The following CTNND2 variants were observed in gnomAD, a reference collection of about 807,000 sequenced individuals.
CTNND2 encodes the protein catenin delta-2.
Under a neutral mutation model 144.4 loss-of-function variants are expected in CTNND2, and 22 were observed. The ratio of observed to expected loss-of-function variants is 0.15; its 90% CI spans 0.11 to 0.22. The LOEUF (loss-of-function observed/expected upper bound fraction) is 0.22. Among genes scored for constraint, CTNND2 ranks in the 10% least tolerant of loss-of-function variants. The pLI, the probability that CTNND2 is intolerant of heterozygous loss-of-function variation, is 1.00. For synonymous variants in CTNND2, 751 were observed against 695.6 expected (o/e 1.08, Z -1.25); for missense variants, 1,353 against 1,618.8 (o/e 0.84, Z 2.82).
intron 2 of CTNND2, among the ~76,000 whole-genome samples, chr5:11,566,504 A>G (rs1446347216): frequency 2.0e-4 from 30 of 152,170 alleles, no homozygotes. Context: ...TGCATCTTAA[A>G]TCTCTCTGTG....
At chr5:11,850,543 C>T (rs1025906227) in intron 1 of CTNND2, among the ~76,000 whole-genome samples, 2 of 151,854 alleles carry the variant, frequency 1.3e-5, no homozygotes, top group Admixed American at 6.6e-5. Flanking sequence ...GACATTGTAT[C>T]GGGGAATGAG....
intron 1 of CTNND2, among the ~76,000 whole-genome samples, chr5:11,744,263 G>A (rs116835633): frequency 0.015 from 2,222 of 152,322 alleles, 43 homozygotes; most frequent in African/African-American, 0.051. Flanking sequence ...GTGGTTAAGG[G>A]TGAATCAATT....
At chr5:11,382,317 G>T (rs756975926) in intron 7 of CTNND2, among the ~76,000 whole-genome samples, 5 of 152,172 alleles carry the variant, frequency 3.3e-5, no homozygotes, top group Non-Finnish European at 5.9e-5. Flanking sequence ...TATTGAAGGT[G>T]GCTAGGTGCG....
intron 3 of CTNND2, among the ~76,000 whole-genome samples, chr5:11,494,409 C>T (rs537729441): frequency 2.7e-4 from 41 of 152,050 alleles, no homozygotes; most frequent in Non-Finnish European, 5.1e-4. Context: ...AGAGTGATTT[C>T]TCATCTGTAA....
chr5:11,171,940 A>G (rs2149787464), intron 11 of CTNND2, among the ~76,000 whole-genome samples: 1 of 152,342 alleles, frequency 6.6e-6, no homozygotes, highest in East Asian at 1.9e-4. Flanking sequence ...AGTAGATGCC[A>G]CCTAAAATAT....
intron 2 of CTNND2, among the ~76,000 whole-genome samples, chr5:11,700,937 C>T (rs1018936795): frequency 2.6e-5 from 4 of 152,120 alleles, no homozygotes; most frequent in African/African-American, 7.2e-5. Flanking sequence ...AGACAGAACC[C>T]GTGCTAATTC....
chr5:11,825,858 A>G (rs942985027), intron 1 of CTNND2, among the ~76,000 whole-genome samples: 2 of 152,254 alleles, frequency 1.3e-5, no homozygotes, highest in African/African-American at 4.8e-5. Flanking sequence ...AGGGAAAATT[A>G]TGTCAACTAG....
chr5:11,739,897 T>G (rs1484742409), intron 1 of CTNND2, among the ~76,000 whole-genome samples: 1 of 151,560 alleles, frequency 6.6e-6, no homozygotes, highest in African/African-American at 2.4e-5. Context: ...TATACACCAA[T>G]AGAAGACAGA....
At chr5:11,851,418 G>T (rs572490964) in intron 1 of CTNND2, among the ~76,000 whole-genome samples, 1 of 152,290 alleles carries the variant, frequency 6.6e-6, no homozygotes, top group South Asian at 2.1e-4. Context: ...ATGATTGAAA[G>T]AAATGGTACA....
chr5:11,712,995 A>C (rs1369017134), intron 2 of CTNND2, among the ~76,000 whole-genome samples: 12 of 152,210 alleles, frequency 7.9e-5, no homozygotes, highest in Non-Finnish European at 1.5e-5. Flanking sequence ...ATAAAGTTCG[A>C]GCCACATTCC....
chr5:11,657,050 T>A (rs960953418), intron 2 of CTNND2, among the ~76,000 whole-genome samples: 1 of 152,042 alleles, frequency 6.6e-6, no homozygotes, highest in South Asian at 2.1e-4. Context: ...GAAGAATGTG[T>A]CTCAACAGCT....
intron 1 of CTNND2, among the ~76,000 whole-genome samples, chr5:11,750,474 G>A (rs1788549936): frequency 6.6e-6 from 1 of 151,866 alleles, no homozygotes; most frequent in Non-Finnish European, 1.5e-5. Context: ...ACTTTGGCAT[G>A]CCCAGCCCAT....
At chr5:11,646,077 G>A (rs571828639) in intron 2 of CTNND2, among the ~76,000 whole-genome samples, 23 of 151,414 alleles carry the variant, frequency 1.5e-4, no homozygotes, top group Admixed American at 5.3e-4. Flanking sequence ...TTTTCTTTCT[G>A]TCCTTTTTTC....
chr5:11,148,845 G>C (rs1327647692), intron 12 of CTNND2, among the ~76,000 whole-genome samples: 1 of 152,214 alleles, frequency 6.6e-6, no homozygotes, highest in Non-Finnish European at 1.5e-5. Context: ...AGAAGCCCTG[G>C]CATTGGTTTC....
intron 1 of CTNND2, among the ~76,000 whole-genome samples, chr5:11,744,082 C>T (rs1421504579): frequency 4.6e-5 from 7 of 152,194 alleles, no homozygotes; most frequent in African/African-American, 7.2e-5. Flanking sequence ...TAGCAAACTG[C>T]GGTCAGTGAG....
intron 9 of CTNND2, among the ~76,000 whole-genome samples, chr5:11,240,273 CAA>C (rs1491442730): frequency 1.6e-5 from 2 of 127,466 alleles, no homozygotes; most frequent in Non-Finnish European, 3.3e-5. Flanking sequence ...CACACACACC[CAA>C]CACACACACA....
intron 2 of CTNND2, among the ~76,000 whole-genome samples, chr5:11,635,384 A>C (rs1173916455): frequency 6.6e-6 from 1 of 152,180 alleles, no homozygotes; most frequent in Non-Finnish European, 1.5e-5. Flanking sequence ...GGAAGCTTAA[A>C]AGGAAGAAGA....
intron 16 of CTNND2, among the ~76,000 whole-genome samples, chr5:11,027,740 T>C (rs1336748345): frequency 1.3e-5 from 2 of 152,176 alleles, no homozygotes; most frequent in Non-Finnish European, 2.9e-5. Context: ...ATTCTCGAAC[T>C]CTTCTGTTAA....
intron 1 of CTNND2, among the ~76,000 whole-genome samples, chr5:11,867,942 T>G (rs1795850201): frequency 6.6e-6 from 1 of 150,934 alleles, no homozygotes; most frequent in Non-Finnish European, 1.5e-5. Flanking sequence ...ATCAGATTGT[T>G]TTTCCCAATT....
Sources: gnomAD v4.1 joint callset for allele counts (sites outside exome capture counted in the v4.1 genomes callset) on GRCh38, gnomAD v4.1.1 for gene constraint, MANE v1.5 for transcripts, NCBI Gene and HGNC (gene_info 2026-07-23, HGNC 2026-07-21) for gene names.